The following ANXA4 variants were observed in gnomAD, a reference collection of about 807,000 sequenced individuals.
ANXA4 encodes 35-beta calcimedin.
In ANXA4, 39 loss-of-function variants were observed where a neutral mutation model predicts 49.8. That is an observed-to-expected ratio of 0.78 (90% CI 0.61 to 1.02). The LOEUF (loss-of-function observed/expected upper bound fraction) is 1.02, where lower values mean the gene tolerates loss of function less well. Ranked by LOEUF, ANXA4 falls within the 50% of genes least tolerant of loss-of-function variation. The pLI is 0.00. For missense variants in ANXA4, 360 were observed against 410.1 expected, an observed-to-expected ratio of 0.88 and a Z score of 1.05; for synonymous variants, 134 against 152.5, an observed-to-expected ratio of 0.88 and a Z score of 0.89.
At chr2:69,777,766 T>A (rs761003543) in intron 1 of ANXA4, among the ~76,000 whole-genome samples, 1 of 152,202 alleles carries the variant, frequency 6.6e-6, no homozygotes, top group Non-Finnish European at 1.5e-5. Context: ...GCCCCTTCCC[T>A]TCATTCAGGT....
chr2:69,825,655 G>A lies in ANXA4; in HGVS notation c.*140G>A. The stretch of plus-strand genomic sequence containing the variant: ...ACAGCTGCCTCCTAGAATATAGACT[G>A]TCTGTATTATTATTCACCTATAATT... On this transcript the variant is annotated 3_prime_UTR_variant, in exon 13 of 13. Transcript: ENST00000394295. The A allele has an allele frequency of 1.7e-6, 1 of 584,672 alleles. No individual in the cohort carries two copies. The allele number at this position is 584,672 out of a possible 1,614,324, so 36.2% of individuals were successfully genotyped here.
chr2:69,723,980 C>A (rs1254453433), intron 3 of ANXA4, among the ~76,000 whole-genome samples: 3 of 152,210 alleles, frequency 2.0e-5, no homozygotes, highest in African/African-American at 7.2e-5. Context: ...TGGGGCCGGG[C>A]GCGGTGGCGC....
At chr2:69,682,491 A>G (rs1677635382) in intron 2 of ANXA4, among the ~76,000 whole-genome samples, 1 of 152,194 alleles carries the variant, frequency 6.6e-6, no homozygotes, top group Non-Finnish European at 1.5e-5. Flanking sequence ...GTTTACATAC[A>G]CTATTTCAAG....
At chr2:69,749,942 A>G (rs887020530) in intron 1 of ANXA4, among the ~76,000 whole-genome samples, 1 of 151,762 alleles carries the variant, frequency 6.6e-6, no homozygotes, top group Admixed American at 6.6e-5. Flanking sequence ...AAAGAAAAAG[A>G]TGGAGGCTGT....
chr2:69,723,790 T>A (rs1669884778), intron 3 of ANXA4, among the ~76,000 whole-genome samples: 1 of 152,182 alleles, frequency 6.6e-6, no homozygotes, highest in African/African-American at 2.4e-5. Context: ...GCTCAAGTCA[T>A]CCTCCCACGT....
intron 2 of ANXA4, among the ~76,000 whole-genome samples, chr2:69,709,370 C>T (rs1678604260): frequency 6.6e-6 from 1 of 152,162 alleles, no homozygotes; most frequent in Non-Finnish European, 1.5e-5. Flanking sequence ...TTTCCATTCC[C>T]ACCTTTCTTC....
chr2:69,815,867 CAGCT>C, intron 8 of ANXA4: 1 of 502,262 alleles, frequency 2.0e-6, no homozygotes. Flanking sequence ...ATGTAGTCTC[CAGCT>C]AGGGAACTGC....
intron 2 of ANXA4, among the ~76,000 whole-genome samples, chr2:69,679,369 A>T (rs994472584): frequency 2.6e-5 from 4 of 152,108 alleles, no homozygotes; most frequent in Non-Finnish European, 4.4e-5. Flanking sequence ...GGATTACTTG[A>T]GTTGTTTGAG....
chr2:69,785,857 GA>G (rs1672392565), intron 2 of ANXA4, among the ~76,000 whole-genome samples: 1 of 151,984 alleles, frequency 6.6e-6, no homozygotes. Context: ...TGAGCTCAAG[GA>G]CCACCCCTTC....
chr2:69,763,782 C>T (rs559542601), intron 1 of ANXA4, among the ~76,000 whole-genome samples: 1 of 151,902 alleles, frequency 6.6e-6, no homozygotes, highest in East Asian at 1.9e-4. Flanking sequence ...CCTGTCTCAG[C>T]CTCCTGAGTA....
At chr2:69,716,246 C>T (rs1200384578) in intron 2 of ANXA4, among the ~76,000 whole-genome samples, 3 of 152,294 alleles carry the variant, frequency 2.0e-5, no homozygotes, top group African/African-American at 7.2e-5. Flanking sequence ...CTAGTCCTTA[C>T]TTAAATGAGT....
chr2:69,692,675 C>T lies in ANXA4; in HGVS notation n.767-28099C>T, dbSNP rs148547190. On this transcript the variant is annotated intron_variant and non_coding_transcript_variant, in intron 2 of 3. Transcript: ENST00000418066. The stretch of plus-strand genomic sequence containing the variant: ...ATGTCAGAGACCAACTAATCCAGTT[C>T]CTCTAAGTAGATGAAACTGAGGCCC... 3.3e-5 allele frequency among the ~76,000 whole-genome samples: 5 copies of T among 152,270 alleles called. No individual in the cohort carries two copies. The East Asian group carries it at 7.7e-4, about 23-fold the overall frequency.
chr2:69,733,513 G>A (rs1182782426), intron 3 of ANXA4, among the ~76,000 whole-genome samples: 1 of 152,010 alleles, frequency 6.6e-6, no homozygotes, highest in South Asian at 2.1e-4. Flanking sequence ...TCAGGAGGCT[G>A]AGCCAGGAGG....
At chr2:69,703,026 C>T (rs1230666884) in intron 2 of ANXA4, among the ~76,000 whole-genome samples, 2 of 152,084 alleles carry the variant, frequency 1.3e-5, no homozygotes, top group African/African-American at 4.8e-5. Context: ...CCAGCGCATG[C>T]AAAGTTCTTA....
At chr2:69,773,615 TTC>T (rs1277713022) in intron 1 of ANXA4, among the ~76,000 whole-genome samples, 12 of 147,498 alleles carry the variant, frequency 8.1e-5, no homozygotes, top group African/African-American at 2.5e-4. Flanking sequence ...TTTCTTTTCT[TTC>T]CTTCTTTTTT....
intron 10 of ANXA4, among the ~76,000 whole-genome samples, chr2:69,818,895 A>G (rs925828741): frequency 2.0e-5 from 3 of 152,236 alleles, no homozygotes; most frequent in African/African-American, 4.8e-5. Context: ...TATATTTTAT[A>G]TCTTCTGTGC....
chr2:69,702,110 C>T (rs1307215557), intron 2 of ANXA4, among the ~76,000 whole-genome samples: 1 of 152,050 alleles, frequency 6.6e-6, no homozygotes, highest in African/African-American at 2.4e-5. Flanking sequence ...CTCCTGGGTT[C>T]AAGCAATTCT....
intron 2 of ANXA4, among the ~76,000 whole-genome samples, chr2:69,692,019 G>T (rs1677990759): frequency 6.6e-6 from 1 of 152,188 alleles, no homozygotes; most frequent in Non-Finnish European, 1.5e-5. Context: ...CCAAGTAGCT[G>T]GGATTACAGG....
At chr2:69,690,322 T>A (rs1677918645) in intron 2 of ANXA4, among the ~76,000 whole-genome samples, 1 of 152,164 alleles carries the variant, frequency 6.6e-6, no homozygotes, top group Non-Finnish European at 1.5e-5. Flanking sequence ...CACTGCAGCC[T>A]CCACCTCCTG....
Sources: allele counts gnomAD v4.1 joint callset (sites outside exome capture counted in the v4.1 genomes callset), GRCh38; gene constraint gnomAD v4.1.1; transcripts MANE v1.5; gene names NCBI Gene and HGNC (gene_info 2026-07-23, HGNC 2026-07-21).